Variants in TNR observed in about 807,000 individuals in gnomAD.
TNR encodes tenascin-R.
Under a neutral mutation model 150.4 loss-of-function variants are expected in TNR, and 45 were observed. The observed-to-expected ratio is 0.30, with a 90% CI of 0.24 to 0.38. The LOEUF (loss-of-function observed/expected upper bound fraction) is 0.38. Ranked by LOEUF, TNR falls within the 10% of genes least tolerant of loss-of-function variation. The probability of loss-of-function intolerance (pLI) is 1.00; values close to 1 mark genes in which losing one functional copy is unlikely to be tolerated. For synonymous variants in TNR, 687 were observed against 678.4 expected (o/e 1.01, Z -0.20); for missense variants, 1,544 against 1,759.1 (o/e 0.88, Z 2.19).
intron 2 of TNR, among the ~76,000 whole-genome samples, chr1:175,417,073 A>AAGAAAGAAAGAG (rs1557920364): frequency 7.2e-6 from 1 of 139,044 alleles, no homozygotes; most frequent in Non-Finnish European, 1.6e-5. Flanking sequence ...GAAAGAAAGA[A>AAGAAAGAAAGAG]AGAAATCTAA....
At chr1:175,706,656 G>A (rs55867560) in intron 1 of TNR, among the ~76,000 whole-genome samples, 9,493 of 152,144 alleles carry the variant, frequency 0.062, 379 homozygotes, top group East Asian at 0.17. Context: ...GCCTATTGCA[G>A]ATTTCTTCCT....
intron 1 of TNR, among the ~76,000 whole-genome samples, chr1:175,703,284 A>T (rs1269035565): frequency 1.3e-5 from 2 of 152,364 alleles, no homozygotes; most frequent in South Asian, 2.1e-4. Context: ...AAAGGTTAAT[A>T]GCTCTTTGTT....
chr1:175,738,157 C>T (rs1359023039), intron 1 of TNR, among the ~76,000 whole-genome samples: 1 of 152,072 alleles, frequency 6.6e-6, no homozygotes, highest in African/African-American at 2.4e-5. Flanking sequence ...GGAAAGTGTA[C>T]AATTTTAACT....
intron 1 of TNR, among the ~76,000 whole-genome samples, chr1:175,698,784 GAGA>G (rs1666603815): frequency 6.6e-6 from 1 of 151,864 alleles, no homozygotes; most frequent in Non-Finnish European, 1.5e-5. Flanking sequence ...GCAGTGATCT[GAGA>G]TCACGCCTGG....
At chr1:175,513,158 T>C (rs1345406333) in intron 2 of TNR, among the ~76,000 whole-genome samples, 1 of 152,176 alleles carries the variant, frequency 6.6e-6, no homozygotes, top group East Asian at 1.9e-4. Flanking sequence ...TGTAATGGGA[T>C]TCCTGCTGTG....
At chr1:175,644,943 T>C (rs1664767335) in intron 1 of TNR, among the ~76,000 whole-genome samples, 1 of 152,044 alleles carries the variant, frequency 6.6e-6, no homozygotes, top group African/African-American at 2.4e-5. Context: ...TAAACTTTAA[T>C]TTTTTTTACA....
chr1:175,335,396 C>CAGGG, intron 20 of TNR: 1 of 251,376 alleles, frequency 4.0e-6, no homozygotes, highest in East Asian at 7.4e-5. Context: ...GATGGCCAGG[C>CAGGG]AGCCTGTTGC....
At chr1:175,410,394 A>T (rs1351594962) in intron 2 of TNR, among the ~76,000 whole-genome samples, 2 of 152,204 alleles carry the variant, frequency 1.3e-5, no homozygotes, top group Non-Finnish European at 1.5e-5. Context: ...TCTCATTTTC[A>T]TGGAGGAGAT....
At chr1:175,719,370 C>T (rs1667240172) in intron 1 of TNR, among the ~76,000 whole-genome samples, 1 of 152,192 alleles carries the variant, frequency 6.6e-6, no homozygotes, top group Non-Finnish European at 1.5e-5. Flanking sequence ...AAAGTGTGCA[C>T]AGTGGCAGAG....
intron 1 of TNR, among the ~76,000 whole-genome samples, chr1:175,654,686 A>G (rs1014612326): frequency 6.8e-6 from 1 of 147,184 alleles, no homozygotes; most frequent in African/African-American, 2.5e-5. Flanking sequence ...ATCTCGGTGA[A>G]TGTCTTCCAC....
At chr1:175,587,209 T>C (rs1296480312) in intron 1 of TNR, among the ~76,000 whole-genome samples, 1 of 152,190 alleles carries the variant, frequency 6.6e-6, no homozygotes, top group Non-Finnish European at 1.5e-5. Flanking sequence ...TTCATAACAG[T>C]TGCTGGCTTA....
intron 1 of TNR, among the ~76,000 whole-genome samples, chr1:175,607,655 A>T (rs879420360): frequency 6.6e-6 from 1 of 152,236 alleles, no homozygotes; most frequent in Admixed American, 6.5e-5. Context: ...GGACTCAGTA[A>T]ACATTATGTC....
chr1:175,334,265 T>C (rs1420781915), intron 20 of TNR, among the ~76,000 whole-genome samples: 1 of 152,232 alleles, frequency 6.6e-6, no homozygotes, highest in Non-Finnish European at 1.5e-5. Context: ...TTTCTGGGCA[T>C]AGGCCAAGCT....
At chr1:175,668,719 C>T (rs770443480) in intron 1 of TNR, among the ~76,000 whole-genome samples, 11 of 152,186 alleles carry the variant, frequency 7.2e-5, no homozygotes, top group Non-Finnish European at 1.6e-4. Context: ...TACACATATT[C>T]TCTCTAATGA....
chr1:175,473,857 T>C (rs940564501), intron 2 of TNR, among the ~76,000 whole-genome samples: 1 of 152,136 alleles, frequency 6.6e-6, no homozygotes, highest in Non-Finnish European at 1.5e-5. Context: ...TTGTCAGGTC[T>C]TTGTAATAAA....
chr1:175,616,672 G>A lies in TNR; in HGVS notation c.-164-88303C>T, dbSNP rs189616434. ...CTGGCCATGCTCCCACTGTCTGGGC[G>A]TTGGCATGTAGATATTTCAGGAAGC... On this transcript the variant is annotated intron_variant, in intron 1 of 22. Coordinates refer to ENST00000367674, the MANE Select transcript of TNR (RefSeq NM_003285.3). 1.3e-3 allele frequency among the ~76,000 whole-genome samples: 197 copies of A among 152,330 alleles called. 1 individual carries two copies. The highest frequency in any genetic ancestry group is 4.6e-3 in the African/African-American group (190 of 41,578).
intron 18 of TNR, 100 bp from the exon 19 acceptor site, chr1:175,337,779 C>CA: frequency 7.4e-7 from 1 of 1,350,196 alleles, no homozygotes; most frequent in Non-Finnish European, 1.0e-6. Context: ...CCTGGTACAT[C>CA]ATCAACAGCT....
intron 1 of TNR, among the ~76,000 whole-genome samples, chr1:175,618,489 C>A (rs1469322893): frequency 6.6e-6 from 1 of 152,192 alleles, no homozygotes; most frequent in Non-Finnish European, 1.5e-5. Flanking sequence ...TTGGCAGCCA[C>A]TTAGCTGCTT....
rs534503642 is a variant in TNR at position 175,596,236 on chromosome 1, G to A, written c.-164-67867C>T. Among the ~76,000 whole-genome samples, 6 of 152,200 alleles carry A rather than the reference G, an allele frequency of 3.9e-5. No homozygotes were observed. The South Asian group carries it at 6.2e-4, about 16-fold the overall frequency. On this transcript the variant is annotated intron_variant, in intron 1 of 22. Transcript: ENST00000367674. ...GAATTATTGATTTTTGACTTCCCTCGAAAGATGAAGAAACCCGTGTTTCTG... is the reference window on the plus strand; with the variant it reads ...GAATTATTGATTTTTGACTTCCCTCAAAAGATGAAGAAACCCGTGTTTCTG...
Sources: gnomAD v4.1 joint callset for allele counts (sites outside exome capture counted in the v4.1 genomes callset) on GRCh38, gnomAD v4.1.1 for gene constraint, MANE v1.5 for transcripts, NCBI Gene and HGNC (gene_info 2026-07-23, HGNC 2026-07-21) for gene names.